AGAP1: variants seen among roughly 807,000 people sequenced by gnomAD.
AGAP1 encodes arf-GAP with GTPase, ANK repeat and PH domain-containing protein 1.
Under a neutral mutation model 105.3 loss-of-function variants are expected in AGAP1, and 29 were observed. The ratio of observed to expected loss-of-function variants is 0.28; its 90% CI spans 0.21 to 0.38. The LOEUF (loss-of-function observed/expected upper bound fraction) is 0.38, where lower values mean the gene tolerates loss of function less well. AGAP1 is among the 10% of genes least tolerant of loss of function. The probability of loss-of-function intolerance (pLI) is 1.00; values close to 1 mark genes in which losing one functional copy is unlikely to be tolerated. For missense variants in AGAP1, 998 were observed against 1,165.1 expected, an observed-to-expected ratio of 0.86 and a Z score of 2.09; for synonymous variants, 509 against 485.9, an observed-to-expected ratio of 1.05 and a Z score of -0.63.
At chr2:235,947,466 G>T (rs931212106) in intron 12 of AGAP1, among the ~76,000 whole-genome samples, 1 of 151,956 alleles carries the variant, frequency 6.6e-6, no homozygotes, top group Non-Finnish European at 1.5e-5. Flanking sequence ...CATTTTCTTC[G>T]TCCACTCGTT....
At position 236,124,119 on chromosome 2, in the gene AGAP1, C is replaced by T. The variant is rs778786580; in HGVS notation, c.2571C>T (p.Ile857=). The change falls in exon 18 of 18, where the codon ATC becomes ATT. Residue 857 remains isoleucine, a synonymous_variant. Coordinates refer to ENST00000304032, the MANE Select transcript of AGAP1 (RefSeq NM_001037131.3). This position sits in a 1 kb window ranked among gnomAD's most constrained non-coding sequence, Gnocchi z 5.1. ...GCAGTGGGAGGGTGCCCACCATCAT[C>T]TGAGGAACAGCCGTGCCCGCCTGCT... ...NNSSGRVPTI[I] is the part of the protein sequence containing the mutation. 1 of 1,613,812 alleles carries T rather than the reference C, an allele frequency of 6.2e-7. No homozygotes were observed. The highest frequency in any genetic ancestry group is 1.1e-5 in the South Asian group (1 of 91,064).
At chr2:235,707,574 C>T (rs1312782971) in intron 1 of AGAP1, among the ~76,000 whole-genome samples, 1 of 147,896 alleles carries the variant, frequency 6.8e-6, no homozygotes, top group African/African-American at 2.5e-5. Context: ...GGACGTGCTC[C>T]CCAGCGTGTG....
chr2:236,049,421 A>C (rs2057827419), intron 16 of AGAP1, 140 bp downstream of exon 16: 1 of 739,832 alleles, frequency 1.4e-6, no homozygotes, highest in Non-Finnish European at 2.2e-6. Context: ...CCGGCATAGG[A>C]ATGTCTGTGT....
intron 9 of AGAP1, among the ~76,000 whole-genome samples, chr2:235,826,056 C>T (rs1046631713): frequency 2.4e-4 from 37 of 152,092 alleles, no homozygotes; most frequent in African/African-American, 7.5e-4. Flanking sequence ...CTGCACCCAG[C>T]GTGGAAGAGG....
intron 1 of AGAP1, chr2:235,670,791 G>A (rs1948365361): frequency 1.0e-5 from 13 of 1,291,646 alleles, no homozygotes; most frequent in Non-Finnish European, 1.3e-5. Context: ...CGTTGGGAAC[G>A]CAGTAAGAGC....
rs1158644358 is a variant in AGAP1, at chr2:235,728,081, C to CT, written c.310+10438dup. Among the ~76,000 whole-genome samples the CT allele has an allele frequency of 6.6e-6, 1 of 152,212 alleles. No homozygotes were observed. The highest frequency in any genetic ancestry group is 1.9e-4 in the East Asian group (1 of 5,192). The stretch of plus-strand genomic sequence containing the variant: ...TGTCTGCCCAGTGGGGGCCTGGACA[C>CT]TAAGTGCCACTTCTCTGCCCATGGC... On this transcript the variant is annotated intron_variant, in intron 3 of 17. Coordinates refer to ENST00000304032, the MANE Select transcript of AGAP1 (RefSeq NM_001037131.3). This position sits in a 1 kb window ranked among gnomAD's most constrained non-coding sequence, Gnocchi z 4.3.
chr2:235,653,192 G>T (rs539504135), intron 1 of AGAP1, among the ~76,000 whole-genome samples: 2 of 152,120 alleles, frequency 1.3e-5, no homozygotes, highest in African/African-American at 2.4e-5. Context: ...CCGGCCGGGC[G>T]CAGTGGCTCA....
intron 1 of AGAP1, among the ~76,000 whole-genome samples, chr2:235,673,323 T>C (rs1156692024): frequency 6.6e-6 from 1 of 152,176 alleles, no homozygotes; most frequent in Admixed American, 6.5e-5. Flanking sequence ...TGAGAATCTC[T>C]AAGGTAACAG....
intron 6 of AGAP1, among the ~76,000 whole-genome samples, chr2:235,772,255 G>A (rs1024790648): frequency 6.6e-6 from 1 of 152,074 alleles, no homozygotes. Flanking sequence ...GCCTCCCAAA[G>A]TGCTGGGATT....
rs145329676 is a variant in AGAP1, at chr2:235,736,123, G to A, written c.311-4840G>A. Among the ~76,000 whole-genome samples, 353 of 151,696 alleles carry A rather than the reference G, an allele frequency of 2.3e-3. 4 individuals are homozygous for A. The highest frequency in any genetic ancestry group is 0.021 in the East Asian group (105 of 5,088). On this transcript the variant is annotated intron_variant, in intron 3 of 17. Transcript: ENST00000304032. The surrounding 1 kb of genome is among the most constrained non-coding windows in gnomAD (Gnocchi z 5.5). ...CCCCTCTCACTGAGATGCGGTCACA[G>A]CTGCCCAGCGACCTGGTTCCACCTT...
At chr2:235,686,554 TATACACACAC>T (rs1387116947) in intron 1 of AGAP1, among the ~76,000 whole-genome samples, 3 of 51,390 alleles carry the variant, frequency 5.8e-5, no homozygotes, top group Middle Eastern at 0.012. Context: ...GAGATATATA[TATACACACAC>T]ACACACACAC....
chr2:235,661,753 T>A (rs1228125144), intron 1 of AGAP1, among the ~76,000 whole-genome samples: 3 of 152,124 alleles, frequency 2.0e-5, no homozygotes, highest in Admixed American at 2.0e-4. Flanking sequence ...TTCGTACAGA[T>A]CCGCCTTTGG....
intron 16 of AGAP1, among the ~76,000 whole-genome samples, chr2:236,054,067 C>T (rs918251108): frequency 2.0e-4 from 30 of 152,176 alleles, no homozygotes; most frequent in Non-Finnish European, 7.3e-5. Flanking sequence ...ACTGGCCGTA[C>T]ACTTCCAGAT....
rs1206976718 is a variant in AGAP1, at chr2:235,690,906, G to A, written c.164-18273G>A. Among the ~76,000 whole-genome samples, 1 of 151,964 alleles carries A rather than the reference G, an allele frequency of 6.6e-6. No individual in the cohort carries two copies. The highest frequency in any genetic ancestry group is 1.9e-4 in the East Asian group (1 of 5,186). On this transcript the variant is annotated intron_variant, in intron 1 of 17. Coordinates refer to ENST00000304032, the MANE Select transcript of AGAP1 (RefSeq NM_001037131.3). This position sits in a 1 kb window ranked among gnomAD's most constrained non-coding sequence, Gnocchi z 4.1. Reference sequence around the variant, plus strand: ...CTAAATCCAGCCATATAAATACTTCGGATCTGGCCTGAGGGTTTGGCAGGG... The same window carrying A: ...CTAAATCCAGCCATATAAATACTTCAGATCTGGCCTGAGGGTTTGGCAGGG...
Position 235,904,051 on chromosome 2 carries a change from C to T in AGAP1, c.1156-4687C>T, listed in dbSNP as rs2051187091. 6.6e-6 allele frequency among the ~76,000 whole-genome samples: 1 copy of T among 152,166 alleles called. No individual in the cohort carries two copies. The highest frequency in any genetic ancestry group is 1.5e-5 in the Non-Finnish European group (1 of 68,038). ...CTCTGACACGGCTCTCAATTGCTAG[C>T]AGGTTTCTCTCATTGCACCTCATTT... On this transcript the variant is annotated intron_variant, in intron 10 of 17. Transcript: ENST00000304032. This position sits in a 1 kb window ranked among gnomAD's most constrained non-coding sequence, Gnocchi z 4.2.
At chr2:235,624,350 T>C (rs2149275538) in intron 1 of AGAP1, among the ~76,000 whole-genome samples, 1 of 152,278 alleles carries the variant, frequency 6.6e-6, no homozygotes, top group South Asian at 2.1e-4. Context: ...CCCATCTGGA[T>C]CTCTTTCCTC....
intron 6 of AGAP1, among the ~76,000 whole-genome samples, chr2:235,795,377 G>A (rs1230370706): frequency 6.6e-6 from 1 of 152,206 alleles, no homozygotes; most frequent in Non-Finnish European, 1.5e-5. Context: ...TTGCAGCATT[G>A]ACTCTGTAGT....
At chr2:235,966,309 G>A in intron 12 of AGAP1, among the ~76,000 whole-genome samples, 1 of 150,298 alleles carries the variant, frequency 6.7e-6, no homozygotes, top group East Asian at 2.0e-4. Flanking sequence ...GAAGAGGGGG[G>A]CCTGTTCCTC....
In AGAP1 at chr2:235,953,413, A is replaced by G. The variant is rs139061433; in HGVS notation, c.1484-15049A>G. ...TTATTCTCCAAAATGTTCAGACTGC[A>G]AGGATATTTCATACAGATTTGTTAG... On this transcript the variant is annotated intron_variant, in intron 12 of 17. Coordinates refer to ENST00000304032, the MANE Select transcript of AGAP1 (RefSeq NM_001037131.3). The surrounding 1 kb of genome is among the most constrained non-coding windows in gnomAD (Gnocchi z 5.2). Among the ~76,000 whole-genome samples, 1 of 152,356 alleles carries G rather than the reference A, an allele frequency of 6.6e-6. No individual in the cohort carries two copies. The highest frequency in any genetic ancestry group is 1.9e-4 in the East Asian group (1 of 5,180).
Sources: allele counts gnomAD v4.1 joint callset (sites outside exome capture counted in the v4.1 genomes callset), GRCh38; gene constraint gnomAD v4.1.1; non-coding constraint Gnocchi (gnomAD v3.1); transcripts MANE v1.5; gene names NCBI Gene and HGNC (gene_info 2026-07-23, HGNC 2026-07-21).